The following PRKG1 variants were observed in gnomAD, a reference collection of about 807,000 sequenced individuals.
PRKG1 encodes protein kinase cGMP-dependent 1, also known as cGMP-dependent protein kinase 1.
PRKG1 carries 35 observed loss-of-function variants against 88.1 expected under a neutral mutation model. The observed-to-expected ratio is 0.40, with a 90% CI of 0.30 to 0.53. PRKG1 has a LOEUF of 0.53. PRKG1 is among the 20% of genes least tolerant of loss of function. The pLI, the probability that PRKG1 is intolerant of heterozygous loss-of-function variation, is 0.59. For missense variants in PRKG1, 540 were observed against 839.8 expected (o/e 0.64, Z 4.41); for synonymous variants, 303 against 292.5 (o/e 1.04, Z -0.37).
In PRKG1 at chr10:51,412,215, A is replaced by AGAGAGAGAG. The variant is rs1564483266; in HGVS notation, c.479-55508_479-55507insGAGAGAGAG. Among the ~76,000 whole-genome samples the AGAGAGAGAG allele has an allele frequency of 1.7e-3, 202 of 120,216 alleles. 3 individuals are homozygous for AGAGAGAGAG. The highest frequency in any genetic ancestry group is 7.5e-3 in the African/African-American group (188 of 24,960). The allele number at this position is 120,216 out of a possible 152,430, so 78.9% of individuals were successfully genotyped here. ...AGAGAGAGAGAGAGAGAGAGAGAGA[A>AGAGAGAGAG]AGAAAGAGAGAAAGAATTGTTCAGA... On this transcript the variant is annotated intron_variant, in intron 2 of 17. Coordinates refer to ENST00000373980, the MANE Select transcript of PRKG1 (RefSeq NM_006258.4).
At chr10:51,647,694 A>G (rs1455225752) in intron 3 of PRKG1, among the ~76,000 whole-genome samples, 1 of 152,164 alleles carries the variant, frequency 6.6e-6, no homozygotes, top group African/African-American at 2.4e-5. Flanking sequence ...TGATTTTTTA[A>G]GTCACTTGGT....
chr10:51,171,031 T>A (rs1256572573), intron 2 of PRKG1, among the ~76,000 whole-genome samples: 1 of 152,092 alleles, frequency 6.6e-6, no homozygotes, highest in African/African-American at 2.4e-5. Flanking sequence ...TGACTCGGAC[T>A]AAGGTCATTA....
At chr10:51,875,340 T>A (rs1029367552) in intron 4 of PRKG1, among the ~76,000 whole-genome samples, 1 of 152,042 alleles carries the variant, frequency 6.6e-6, no homozygotes, top group South Asian at 2.1e-4. Flanking sequence ...CATGAGAATC[T>A]TAATAGACCA....
intron 5 of PRKG1, among the ~76,000 whole-genome samples, chr10:52,000,090 T>C (rs1348381101): frequency 6.6e-6 from 1 of 152,090 alleles, no homozygotes; most frequent in East Asian, 1.9e-4. Context: ...TCACACCCTT[T>C]CCATTACATT....
At chr10:51,939,783 A>G (rs1443003121) in intron 5 of PRKG1, among the ~76,000 whole-genome samples, 1 of 151,842 alleles carries the variant, frequency 6.6e-6, no homozygotes, top group Non-Finnish European at 1.5e-5. Context: ...CAAGAGTACT[A>G]TATAACTGTA....
chr10:51,279,210 G>A (rs561775835), intron 2 of PRKG1, among the ~76,000 whole-genome samples: 2 of 152,182 alleles, frequency 1.3e-5, no homozygotes, highest in African/African-American at 4.8e-5. Flanking sequence ...ATTTTGTTAT[G>A]TACCCAATAG....
At chr10:51,528,693 C>T (rs1841943569) in intron 3 of PRKG1, among the ~76,000 whole-genome samples, 1 of 151,664 alleles carries the variant, frequency 6.6e-6, no homozygotes, top group Non-Finnish European at 1.5e-5. Context: ...CAGGGGGTGG[C>T]ATAACTCTTG....
chr10:51,005,070 T>C (rs1325676207), intron 1 of PRKG1, among the ~76,000 whole-genome samples: 1 of 152,176 alleles, frequency 6.6e-6, no homozygotes, highest in African/African-American at 2.4e-5. Context: ...TTTTTCTTGG[T>C]CATTGTAGTG....
intron 2 of PRKG1, among the ~76,000 whole-genome samples, chr10:51,307,586 T>C (rs1841070482): frequency 6.6e-6 from 1 of 152,216 alleles, no homozygotes; most frequent in South Asian, 2.1e-4. Context: ...GAGTTCCTGG[T>C]CTCTGAGTTT....
At chr10:51,186,221 A>C (rs989325429) in intron 2 of PRKG1, among the ~76,000 whole-genome samples, 2 of 151,406 alleles carry the variant, frequency 1.3e-5, no homozygotes, top group Non-Finnish European at 2.9e-5. Flanking sequence ...CTTGTCTTTT[A>C]TATTTATCAT....
chr10:52,023,073 C>G (rs1471578807), intron 5 of PRKG1, among the ~76,000 whole-genome samples: 1 of 152,148 alleles, frequency 6.6e-6, no homozygotes, highest in Non-Finnish European at 1.5e-5. Flanking sequence ...CCTAGCCCCC[C>G]ACACCCCGAC....
intron 3 of PRKG1, among the ~76,000 whole-genome samples, chr10:51,624,492 A>G (rs552179791): frequency 1.3e-5 from 2 of 152,296 alleles, no homozygotes; most frequent in East Asian, 3.9e-4. Flanking sequence ...TCAGTGTTCA[A>G]TTCTTCTTTC....
At chr10:51,283,432 A>T (rs1042166098) in intron 2 of PRKG1, among the ~76,000 whole-genome samples, 1 of 152,156 alleles carries the variant, frequency 6.6e-6, no homozygotes, top group African/African-American at 2.4e-5. Flanking sequence ...ACTTTAGCTG[A>T]GCAGGCATAC....
chr10:51,188,920 A>G (rs1470496031), intron 2 of PRKG1, among the ~76,000 whole-genome samples: 1 of 151,954 alleles, frequency 6.6e-6, no homozygotes, highest in Admixed American at 6.6e-5. Flanking sequence ...ATCATTTATG[A>G]AGGAAGCAGA....
Position 51,016,673 on chromosome 10 carries a change from C to CTT in PRKG1, c.266+25047_266+25048dup, listed in dbSNP as rs71029341. ...AGTGAAGAAGGTATTATTATCCTTT[C>CTT]TTTTTTTTTTTTTTTTTTTGGAATC... On this transcript the variant is annotated intron_variant, in intron 1 of 17. Transcript: ENST00000401604. Among the ~76,000 whole-genome samples the CTT allele has an allele frequency of 3.1e-3, 109 of 35,196 alleles. 25 individuals carry two copies. Among genetic ancestry groups the CTT allele is most frequent in the East Asian group, 4.0e-3 (5 of 1,248 alleles). 23.1% of individuals were successfully genotyped at this position (35,196 alleles called of 152,430 possible).
chr10:52,008,919 TA>T, intron 5 of PRKG1, among the ~76,000 whole-genome samples: 1 of 151,710 alleles, frequency 6.6e-6, no homozygotes, highest in Non-Finnish European at 1.5e-5. Flanking sequence ...TAAACAGAAC[TA>T]AAAAAACACA....
intron 5 of PRKG1, among the ~76,000 whole-genome samples, chr10:51,986,707 G>C (rs951094196): frequency 6.6e-6 from 1 of 152,156 alleles, no homozygotes; most frequent in African/African-American, 2.4e-5. Context: ...AGGTGTTTGG[G>C]ATTAGAAGTG....
intron 4 of PRKG1, among the ~76,000 whole-genome samples, chr10:51,822,035 G>A (rs1335852762): frequency 6.6e-6 from 1 of 151,680 alleles, no homozygotes; most frequent in Non-Finnish European, 1.5e-5. Context: ...CAATAGACAG[G>A]GCATGGAATT....
At chr10:51,220,056 G>C (rs1410716331) in intron 2 of PRKG1, among the ~76,000 whole-genome samples, 1 of 152,198 alleles carries the variant, frequency 6.6e-6, no homozygotes, top group Non-Finnish European at 1.5e-5. Context: ...GAAGAGGAGG[G>C]CAGAAGAGGA....
Sources: allele counts gnomAD v4.1 joint callset (sites outside exome capture counted in the v4.1 genomes callset), GRCh38; gene constraint gnomAD v4.1.1; transcripts MANE v1.5; gene names NCBI Gene and HGNC (gene_info 2026-07-23, HGNC 2026-07-21).